The following SMG1 variants were observed in gnomAD, a reference collection of about 807,000 sequenced individuals.
SMG1 encodes SMG1 nonsense mediated mRNA decay associated PI3K related kinase, also known as serine/threonine-protein kinase SMG1.
A neutral mutation model predicts 419.9 loss-of-function variants in SMG1; 22 were observed. The observed-to-expected ratio is 0.05, with a 90% CI of 0.04 to 0.07. The LOEUF (loss-of-function observed/expected upper bound fraction) is 0.07. SMG1 is among the 10% of genes least tolerant of loss of function. SMG1 has a pLI of 1.00. For missense variants in SMG1, 3,185 were observed against 4,342.0 expected (o/e 0.73, Z 7.49); for synonymous variants, 1,538 against 1,553.5 (o/e 0.99, Z 0.23).
intron 40 of SMG1, 86 bp from the exon 41 acceptor site, chr16:18,841,880 A>G (rs2033946969): frequency 8.7e-7 from 1 of 1,143,508 alleles, no homozygotes; most frequent in African/African-American, 1.5e-5. Context: ...TAGCAGTGGC[A>G]GTCAAAAACT....
chr16:18,897,209 C>G (rs1357569349), intron 1 of SMG1, among the ~76,000 whole-genome samples: 1 of 152,210 alleles, frequency 6.6e-6, no homozygotes, highest in East Asian at 1.9e-4. Flanking sequence ...TGAACAACTA[C>G]TGGGATTAGG....
chr16:18,852,674 A>G (rs981152605), intron 31 of SMG1, among the ~76,000 whole-genome samples: 3 of 152,244 alleles, frequency 2.0e-5, no homozygotes, highest in Admixed American at 6.5e-5. Flanking sequence ...TAGCTTCCCA[A>G]GTAAGATTAT....
chr16:18,829,610 G>C lies in SMG1; in HGVS notation c.9279C>G (p.Leu3093=). 1 of 1,613,962 alleles carries C rather than the reference G, an allele frequency of 6.2e-7. No homozygotes were observed. ...KAFTADFVRQ[L]LIGLPNQALG... is the part of the protein sequence containing the mutation. ...GGGCTTGGTTGGGTAGCCCTATCAA[G>C]AGCTGCCTCACAAAGTCAGCTGTGA... The change falls in exon 54 of 63, where the codon CTC becomes CTG. Residue 3093 remains leucine (L), a synonymous_variant. Transcript: ENST00000446231.
At chr16:18,890,582 G>A (rs2141805393) in intron 5 of SMG1, among the ~76,000 whole-genome samples, 1 of 152,200 alleles carries the variant, frequency 6.6e-6, no homozygotes, top group East Asian at 1.9e-4. Context: ...CCCGAGAGGT[G>A]GAGGTTGCAG....
rs1220415028 is a variant in SMG1 at position 18,834,305 on chromosome 16, G to A, written c.8464C>T (p.Leu2822=). ...SGNVTCLVQL[L]KQCHLVPQDL... ...TGTGGCACCAGGTGGCACTGCTTCAGTAACTGAACCAAGCAGGTGACGTTT... is the reference window on the plus strand; with the variant it reads ...TGTGGCACCAGGTGGCACTGCTTCAATAACTGAACCAAGCAGGTGACGTTT... The change falls in exon 50 of 63, where the codon CTG becomes TTG. Residue 2822 remains leucine (L), a synonymous_variant. Coordinates refer to ENST00000446231, the MANE Select transcript of SMG1 (RefSeq NM_015092.5). 4 of 1,612,930 alleles carry A rather than the reference G, an allele frequency of 2.5e-6. No homozygotes were observed. The highest frequency in any genetic ancestry group is 8.5e-7 in the Non-Finnish European group (1 of 1,179,464).
intron 1 of SMG1, among the ~76,000 whole-genome samples, chr16:18,910,973 C>T (rs944034068): frequency 6.6e-6 from 1 of 152,182 alleles, no homozygotes; most frequent in Non-Finnish European, 1.5e-5. Context: ...AAGCTATAAG[C>T]TACCTTTTAA....
At chr16:18,887,417 G>A (rs2036657400) in intron 6 of SMG1, among the ~76,000 whole-genome samples, 1 of 151,140 alleles carries the variant, frequency 6.6e-6, no homozygotes, top group Non-Finnish European at 1.5e-5. Context: ...ATAGCTCACT[G>A]TAGCCTCAAC....
At chr16:18,867,694 TAAC>T (rs1369830937) in intron 22 of SMG1, among the ~76,000 whole-genome samples, 4 of 148,460 alleles carry the variant, frequency 2.7e-5, no homozygotes, top group Admixed American at 6.8e-5. Flanking sequence ...AACATTATTT[TAAC>T]TTCTTTTTTT....
chr16:18,832,613 C>A (rs1034458630), intron 51 of SMG1, among the ~76,000 whole-genome samples: 2 of 144,926 alleles, frequency 1.4e-5, no homozygotes, highest in Admixed American at 7.0e-5. Flanking sequence ...CACACACACA[C>A]AAATAAGTGC....
rs750659753 is a variant in SMG1, at chr16:18,815,561, T to C, written c.10393A>G (p.Asn3465Asp). The C allele has an allele frequency of 1.1e-5, 17 of 1,614,042 alleles. 1 individual carries two copies. Among genetic ancestry groups the C allele is most frequent in the Middle Eastern group, 1.6e-4 (1 of 6,062 alleles). ...AATGTAAATAGAACTGTTTGAATGTTGTCTTGCCATGATTTATATTCACCC... is the reference window on the plus strand; with the variant it reads ...AATGTAAATAGAACTGTTTGAATGTCGTCTTGCCATGATTTATATTCACCC... ...FLGEYKSWQD[N>D]IQTVLFTLVQ... The change falls in exon 59 of 63, where the codon AAC becomes GAC. Residue 3465 changes from asparagine (N) to aspartate (D), a missense_variant. Asn to Asp is a conservative substitution (Grantham distance 23, BLOSUM62 1). This residue lies in a region of SMG1 where 737 missense variants were observed against 846.6 expected (regional missense o/e 0.87). Coordinates refer to ENST00000446231, the MANE Select transcript of SMG1 (RefSeq NM_015092.5).
chr16:18,854,998 TCTGCACCACCTC>T (rs66505987), intron 29 of SMG1, 94 bp from the exon 30 acceptor site: 110,902 of 1,175,646 alleles, frequency 0.094, 5,680 homozygotes, highest in Middle Eastern at 0.15. Context: ...CTATCCCTCT[TCTGCACCACCTC>T]CTGAAACAAA....
chr16:18,881,118 CA>C (rs35166606), intron 10 of SMG1, among the ~76,000 whole-genome samples: 35 of 142,300 alleles, frequency 2.5e-4, no homozygotes, highest in African/African-American at 6.2e-4. Context: ...GCTCTAGCTC[CA>C]AAAAAAAATT....
intron 1 of SMG1, among the ~76,000 whole-genome samples, chr16:18,921,164 G>C (rs1417055331): frequency 6.7e-6 from 1 of 150,348 alleles, no homozygotes; most frequent in African/African-American, 2.4e-5. Context: ...AAGAGAGAGA[G>C]AGAGAGGAAA....
At chr16:18,893,757 G>T (rs9646249) in intron 3 of SMG1, among the ~76,000 whole-genome samples, 1 of 151,706 alleles carries the variant, frequency 6.6e-6, no homozygotes, top group Non-Finnish European at 1.5e-5. Context: ...GAAAACATTG[G>T]TAAAAAAAGA....
intron 1 of SMG1, among the ~76,000 whole-genome samples, chr16:18,923,619 A>G (rs1013605423): frequency 1.3e-5 from 2 of 151,778 alleles, no homozygotes; most frequent in African/African-American, 2.4e-5. Context: ...TGGGAGACAG[A>G]GCAAGACTCC....
chr16:18,841,567 T>C lies in SMG1; in HGVS notation c.6694A>G (p.Lys2232Glu). The stretch of plus-strand genomic sequence containing the variant: ...ACTGTGTAGATGATTTAATCAACCT[T>C]TTGTGCTTGTAAGGCAGCTTCCCGT... ...QQREAALQAQ[K>E]AQDSYQTPQN... The change falls in exon 41 of 63, where the codon AAG becomes GAG. Residue 2232 changes from lysine (K) to glutamate (E), a missense_variant and splice_region_variant. Lys to Glu is a moderately conservative substitution (Grantham distance 56). Around this residue, in one of 27 missense-constraint regions of SMG1, gnomAD observed 132 missense variants for 151.0 expected, o/e 0.87. Coordinates refer to ENST00000446231, the MANE Select transcript of SMG1 (RefSeq NM_015092.5). 1 of 1,613,592 alleles carries C rather than the reference T, an allele frequency of 6.2e-7. No homozygotes were observed. Among genetic ancestry groups the C allele is most frequent in the Non-Finnish European group, 8.5e-7 (1 of 1,179,578 alleles).
At chr16:18,828,710 A>G (rs565542313) in intron 54 of SMG1, among the ~76,000 whole-genome samples, 52 of 152,356 alleles carry the variant, frequency 3.4e-4, no homozygotes, top group African/African-American at 1.0e-3. Context: ...ATTAAAAACT[A>G]TATTTATGCC....
At chr16:18,809,782 T>G in intron 62 of SMG1, 136 bp from the exon 63 acceptor site, 3 of 610,976 alleles carry the variant, frequency 4.9e-6, no homozygotes, top group Non-Finnish European at 5.9e-6. Flanking sequence ...GTAAGCCCCT[T>G]AATTTTCATA....
At chr16:18,915,267 G>A (rs1010037898) in intron 1 of SMG1, among the ~76,000 whole-genome samples, 11 of 151,938 alleles carry the variant, frequency 7.2e-5, no homozygotes, top group Non-Finnish European at 1.6e-4. Flanking sequence ...GCCACTGCAC[G>A]TGGCCAAATT....
Sources: allele counts gnomAD v4.1 joint callset (sites outside exome capture counted in the v4.1 genomes callset), GRCh38; gene constraint gnomAD v4.1.1; regional missense constraint gnomAD v4.1.1; transcripts MANE v1.5; gene names NCBI Gene and HGNC (gene_info 2026-07-23, HGNC 2026-07-21).